Variants in DHRS3 observed in about 807,000 individuals in gnomAD.
DHRS3 encodes short-chain dehydrogenase/reductase 3.
In DHRS3, 14 loss-of-function variants were observed where a neutral mutation model predicts 27.2. That is an observed-to-expected ratio of 0.52 (90% CI 0.34 to 0.81). DHRS3 has a LOEUF of 0.81. Among genes scored for constraint, DHRS3 ranks in the 30% least tolerant of loss-of-function variants. The pLI is 0.01. For synonymous variants in DHRS3, 165 were observed against 175.9 expected, an observed-to-expected ratio of 0.94 and a Z score of 0.49; for missense variants, 322 against 406.2, an observed-to-expected ratio of 0.79 and a Z score of 1.78.
intron 1 of DHRS3, among the ~76,000 whole-genome samples, chr1:12,581,009 G>C (rs111280540): frequency 0.012 from 1,774 of 151,974 alleles, 31 homozygotes; most frequent in African/African-American, 0.04. Flanking sequence ...AAAAAATTTT[G>C]TAGAGTAGGG....
At chr1:12,595,190 G>C (rs58559967) in intron 1 of DHRS3, among the ~76,000 whole-genome samples, 67,188 of 152,002 alleles carry the variant, frequency 0.44, 15,896 homozygotes, top group South Asian at 0.58. Context: ...TAGCGCAGCG[G>C]GGGTGAGCCC....
chr1:12,571,069 T>C (rs1472856263), intron 5 of DHRS3, among the ~76,000 whole-genome samples: 1 of 152,184 alleles, frequency 6.6e-6, no homozygotes, highest in Non-Finnish European at 1.5e-5. Context: ...CTTACCTTCC[T>C]GAAAAGGACT....
chr1:12,612,205 T>C (rs1320478178), intron 1 of DHRS3, among the ~76,000 whole-genome samples: 1 of 152,170 alleles, frequency 6.6e-6, no homozygotes, highest in Non-Finnish European at 1.5e-5. Flanking sequence ...AGAGTGAGGA[T>C]GGGAGAGATG....
chr1:12,597,390 G>A (rs1246633662), intron 1 of DHRS3, among the ~76,000 whole-genome samples: 1 of 152,218 alleles, frequency 6.6e-6, no homozygotes, highest in East Asian at 1.9e-4. Context: ...AATGACCCCA[G>A]ATCTTTAGCG....
intron 1 of DHRS3, among the ~76,000 whole-genome samples, chr1:12,604,549 G>A (rs1025067475): frequency 3.3e-5 from 5 of 152,114 alleles, no homozygotes; most frequent in Admixed American, 3.3e-4. Flanking sequence ...GCTTATCACC[G>A]CTCTCTCCAG....
intron 1 of DHRS3, among the ~76,000 whole-genome samples, chr1:12,598,315 C>T (rs913912190): frequency 1.3e-5 from 2 of 151,898 alleles, no homozygotes; most frequent in African/African-American, 4.8e-5. Context: ...GTTGAGGCTG[C>T]AATAACCTGA....
intron 1 of DHRS3, among the ~76,000 whole-genome samples, chr1:12,595,454 G>A (rs1180671541): frequency 6.6e-6 from 1 of 150,478 alleles, no homozygotes; most frequent in Non-Finnish European, 1.5e-5. Context: ...GCAGTGCCGG[G>A]TGGGGATCGG....
intron 4 of DHRS3, 96 bp from the exon 5 acceptor site, chr1:12,572,949 C>T (rs1646552421): frequency 7.0e-7 from 1 of 1,430,034 alleles, no homozygotes; most frequent in Non-Finnish European, 9.3e-7. Flanking sequence ...CACCCTTTGG[C>T]TTTTCCTGTC....
chr1:12,618,032 G>A lies in DHRS3; in HGVS notation c.-684C>T, dbSNP rs1323600064. ...GGTCCGGGTGTCAGTTTCTTTACGT[G>A]CAGCGCTCGCCCTCGCGCGCGCTCG... On this transcript the variant is annotated 5_prime_UTR_variant, in exon 1 of 6. Transcript: ENST00000616661. The surrounding 1 kb of genome is among the most constrained non-coding windows in gnomAD (Gnocchi z 4.2). Among the ~76,000 whole-genome samples the A allele has an allele frequency of 6.6e-6, 1 of 151,968 alleles. No individual in the cohort carries two copies. The highest frequency in any genetic ancestry group is 1.5e-5 in the Non-Finnish European group (1 of 67,988).
chr1:12,576,625 T>A (rs1371508493), intron 4 of DHRS3, among the ~76,000 whole-genome samples: 1 of 151,282 alleles, frequency 6.6e-6, no homozygotes, highest in Admixed American at 6.6e-5. Flanking sequence ...TATGCATTTA[T>A]TGAGCACCTT....
At position 12,568,311 on chromosome 1, in the gene DHRS3, G is replaced by A. The variant is rs1450278373; in HGVS notation, c.*29C>T. The A allele has an allele frequency of 1.2e-6, 2 of 1,605,726 alleles. No individual in the cohort carries two copies. Among genetic ancestry groups the A allele is most frequent in the South Asian group, 1.1e-5 (1 of 90,908 alleles). On this transcript the variant is annotated 3_prime_UTR_variant, in exon 6 of 6. Coordinates refer to ENST00000616661, the MANE Select transcript of DHRS3 (RefSeq NM_004753.7). ...AGGTGCTGTGGCCCCCAAACTCCGT[G>A]GCTCCTCAAGCATGTCTTCATCCTG...
At chr1:12,568,701 G>A (rs932235873) in intron 5 of DHRS3, among the ~76,000 whole-genome samples, 19 of 152,188 alleles carry the variant, frequency 1.2e-4, no homozygotes, top group African/African-American at 4.6e-4. Context: ...CGAGATGGGC[G>A]GATCGCTTGA....
chr1:12,609,090 G>C (rs985430768), intron 1 of DHRS3, among the ~76,000 whole-genome samples: 5 of 152,212 alleles, frequency 3.3e-5, no homozygotes, highest in Non-Finnish European at 7.3e-5. Flanking sequence ...TTTATTCAGA[G>C]GGGTTAAGCA....
At chr1:12,584,809 C>A (rs1646678103) in intron 1 of DHRS3, among the ~76,000 whole-genome samples, 1 of 152,190 alleles carries the variant, frequency 6.6e-6, no homozygotes, top group African/African-American at 2.4e-5. Context: ...TGTGCGCATG[C>A]CCTGCTGAGC....
chr1:12,604,100 C>A (rs1646853934), intron 1 of DHRS3, among the ~76,000 whole-genome samples: 1 of 152,210 alleles, frequency 6.6e-6, no homozygotes, highest in Admixed American at 6.5e-5. Flanking sequence ...GGATAGAGTT[C>A]ATATTTTCTT....
chr1:12,602,234 G>A (rs1011610870), intron 1 of DHRS3, among the ~76,000 whole-genome samples: 15 of 152,342 alleles, frequency 9.8e-5, no homozygotes, highest in East Asian at 1.9e-4. Context: ...CAGGACCAGA[G>A]AGGAGGCTGT....
chr1:12,578,611 GCCTAGCCCGATTTTT>G lies in DHRS3; in HGVS notation c.698+92_698+106del. The G allele has an allele frequency of 8.6e-7, 1 of 1,166,298 alleles. No homozygotes were observed. Among genetic ancestry groups the G allele is most frequent in the East Asian group, 2.4e-5 (1 of 42,116 alleles). 72.2% of individuals were successfully genotyped at this position (1,166,298 alleles called of 1,614,324 possible). On this transcript the variant is annotated intron_variant, in intron 4 of 5. Transcript: ENST00000616661. This position sits in a 1 kb window ranked among gnomAD's most constrained non-coding sequence, Gnocchi z 4.5. ...TAGGATTATAGGTATGAGGCACCGT[GCCTAGCCCGATTTTT>G]ATATCAGAGCTCTTTCTGCAGTTGG... is the stretch of plus-strand genomic sequence containing the variant.
intron 1 of DHRS3, among the ~76,000 whole-genome samples, chr1:12,610,300 C>T (rs1284119337): frequency 6.7e-6 from 1 of 150,134 alleles, no homozygotes; most frequent in African/African-American, 2.5e-5. Context: ...CATGTTGGGT[C>T]AAGCTGGTCT....
rs146394064 is a variant in DHRS3 at position 12,584,701 on chromosome 1, G to A, written c.196-4035C>T. Among the ~76,000 whole-genome samples the A allele has an allele frequency of 1.8e-4, 27 of 152,284 alleles. No individual in the cohort carries two copies. The East Asian group carries it at 4.8e-3, about 27-fold the overall frequency. On this transcript the variant is annotated intron_variant, in intron 1 of 5. Transcript: ENST00000616661. ...ACCTTCCACTCAAGTCTACCTGGGC[G>A]CCCCAGAGCATCAGCACCTTCCTGG...
Sources: gnomAD v4.1 joint callset for allele counts (sites outside exome capture counted in the v4.1 genomes callset) on GRCh38, gnomAD v4.1.1 for gene constraint, Gnocchi (gnomAD v3.1) non-coding constraint, MANE v1.5 for transcripts, NCBI Gene and HGNC (gene_info 2026-07-23, HGNC 2026-07-21) for gene names.